CHRNA7: variants seen among roughly 807,000 people sequenced by gnomAD.
CHRNA7 encodes the protein cholinergic receptor nicotinic alpha 7 subunit.
In CHRNA7, 17 loss-of-function variants were observed where a neutral mutation model predicts 48.0. That is an observed-to-expected ratio of 0.35 (90% CI 0.24 to 0.53). The LOEUF is 0.53. Ranked by LOEUF, CHRNA7 falls within the 20% of genes least tolerant of loss-of-function variation. The probability of loss-of-function intolerance (pLI) is 0.92; values close to 1 mark genes in which losing one functional copy is unlikely to be tolerated. For missense variants in CHRNA7, 155 were observed against 577.7 expected (o/e 0.27, Z 7.50); for synonymous variants, 75 against 242.3 (o/e 0.31, Z 6.41).
rs2051175658 is a variant in CHRNA7 at position 32,132,624 on chromosome 15, C to T, written c.350+20725C>T. Reference sequence around the variant, plus strand: ...GAAGAGAACTCTCTCTGGTTTATGGCTTCCTTCTCATTGTGTCCTTACATG... The same window carrying T: ...GAAGAGAACTCTCTCTGGTTTATGGTTTCCTTCTCATTGTGTCCTTACATG... On this transcript the variant is annotated intron_variant, in intron 4 of 9. Coordinates refer to ENST00000306901, the MANE Select transcript of CHRNA7 (RefSeq NM_000746.6). Among the ~76,000 whole-genome samples the T allele has an allele frequency of 2.0e-5, 3 of 152,228 alleles. No homozygotes were observed. In the South Asian group the frequency reaches 6.2e-4, roughly 32 times the overall value.
chr15:32,097,922 G>A (rs1440742348), intron 2 of CHRNA7, among the ~76,000 whole-genome samples: 1 of 152,200 alleles, frequency 6.6e-6, no homozygotes, highest in Non-Finnish European at 1.5e-5. Flanking sequence ...GGATATTTGG[G>A]TGAAAGAGAA....
upstream of CHRNA7, chr15:32,030,514 T>C (rs1381495419): frequency 2.3e-6 from 3 of 1,298,490 alleles, no homozygotes; most frequent in Middle Eastern, 2.9e-4. Context: ...AGCGGCGAGG[T>C]GCCTCTGTGG....
chr15:32,068,362 A>C (rs1441754109), intron 2 of CHRNA7, among the ~76,000 whole-genome samples: 1 of 152,136 alleles, frequency 6.6e-6, no homozygotes, highest in East Asian at 1.9e-4. Flanking sequence ...TGCACATGGA[A>C]GTAGGTGGAT....
At chr15:32,078,951 C>A (rs1431556711) in intron 2 of CHRNA7, among the ~76,000 whole-genome samples, 3 of 152,190 alleles carry the variant, frequency 2.0e-5, no homozygotes, top group African/African-American at 7.2e-5. Context: ...AGCTTATCCA[C>A]CATGATCAAG....
chr15:32,135,598 C>T (rs1300774159), intron 4 of CHRNA7, among the ~76,000 whole-genome samples: 1 of 152,128 alleles, frequency 6.6e-6, no homozygotes, highest in Non-Finnish European at 1.5e-5. Flanking sequence ...GATCTATGTG[C>T]TGTAGGGGAC....
intron 2 of CHRNA7, among the ~76,000 whole-genome samples, chr15:32,072,764 C>T (rs879407856): frequency 7.9e-5 from 12 of 152,164 alleles, no homozygotes; most frequent in South Asian, 2.1e-4. Flanking sequence ...GAACATAAGC[C>T]GTAAGCTTTG....
At chr15:32,124,563 A>G (rs1156437633) in intron 4 of CHRNA7, among the ~76,000 whole-genome samples, 1 of 152,250 alleles carries the variant, frequency 6.6e-6, no homozygotes, top group Admixed American at 6.5e-5. Flanking sequence ...AAATAAACTA[A>G]GACTGGAAGA....
At chr15:32,137,884 A>G (rs1026085076) in intron 4 of CHRNA7, among the ~76,000 whole-genome samples, 3 of 152,228 alleles carry the variant, frequency 2.0e-5, no homozygotes, top group Non-Finnish European at 4.4e-5. Flanking sequence ...CCTCCTCAGT[A>G]TTTACCCAAA....
Position 32,164,911 on chromosome 15 carries a change from C to T in CHRNA7, c.990+1576C>T, listed in dbSNP as rs1271131308. ...TGGGTGACAGAGCAAAACTCCATCT[C>T]CTAAAAAAAAAAAAAAAAAAAAAAA... On this transcript the variant is annotated intron_variant, in intron 9 of 9. Coordinates refer to ENST00000306901, the MANE Select transcript of CHRNA7 (RefSeq NM_000746.6). 4.4e-3 allele frequency among the ~76,000 whole-genome samples: 35 copies of T among 8,010 alleles called. 2 individuals are homozygous for T. The highest frequency in any genetic ancestry group is 6.5e-3 in the Non-Finnish European group (31 of 4,744). The allele number at this position is 8,010 out of a possible 152,430, so 5.3% of individuals were successfully genotyped here. A position where few individuals can be genotyped will look rare whatever the true frequency, so the allele number is the denominator to read the frequency against.
chr15:32,083,984 G>A (rs1235306133), intron 2 of CHRNA7, among the ~76,000 whole-genome samples: 1 of 152,144 alleles, frequency 6.6e-6, no homozygotes, highest in African/African-American at 2.4e-5. Flanking sequence ...CCCTAGATTA[G>A]ATGGGCAATG....
chr15:32,064,032 T>C (rs2049922871), intron 2 of CHRNA7, among the ~76,000 whole-genome samples: 1 of 152,190 alleles, frequency 6.6e-6, no homozygotes, highest in Non-Finnish European at 1.5e-5. Flanking sequence ...TGATGAATAG[T>C]GTGGCTAGGA....
intron 3 of CHRNA7, among the ~76,000 whole-genome samples, chr15:32,107,705 A>G (rs1017508529): frequency 2.6e-5 from 4 of 152,120 alleles, no homozygotes; most frequent in Admixed American, 1.3e-4. Flanking sequence ...ACTTCTCGCC[A>G]GTGGCCACCT....
chr15:32,123,475 T>A (rs1166392511), intron 4 of CHRNA7, among the ~76,000 whole-genome samples: 1 of 152,196 alleles, frequency 6.6e-6, no homozygotes, highest in African/African-American at 2.4e-5. Flanking sequence ...CTCTCATGGA[T>A]CCCTGGCATG....
At chr15:32,064,501 G>GTGTGTGTA (rs2049933105) in intron 2 of CHRNA7, among the ~76,000 whole-genome samples, 1 of 151,278 alleles carries the variant, frequency 6.6e-6, no homozygotes, top group Admixed American at 6.6e-5. Context: ...GTATGTGTGT[G>GTGTGTGTA]TATGTGTGTG....
intron 3 of CHRNA7, 170 bp downstream of exon 3, chr15:32,101,517 G>A: frequency 1.5e-6 from 1 of 680,064 alleles, no homozygotes; most frequent in East Asian, 2.6e-5. Flanking sequence ...AACAATGAAT[G>A]CTGGCTGTAT....
In CHRNA7 at chr15:32,170,118, G is replaced by A. The variant is rs2052365858; in HGVS notation, c.*1660G>A. 3.9e-5 allele frequency: 2 copies of A among 50,814 alleles called. No individual in the cohort carries two copies. The highest frequency in any genetic ancestry group is 1.5e-3 in the South Asian group (2 of 1,302). 3.1% of individuals were successfully genotyped at this position (50,814 alleles called of 1,614,324 possible). ...TTTTAATTTGCTTCTAATCCCTGAG[G>A]TGGGAACATCATGAGGGAAGATTTG... is the stretch of plus-strand genomic sequence containing the variant. On this transcript the variant is annotated 3_prime_UTR_variant, in exon 10 of 10. Coordinates refer to ENST00000306901, the MANE Select transcript of CHRNA7 (RefSeq NM_000746.6).
At chr15:32,063,540 G>A (rs1285232589) in intron 2 of CHRNA7, among the ~76,000 whole-genome samples, 2 of 152,162 alleles carry the variant, frequency 1.3e-5, no homozygotes, top group Non-Finnish European at 2.9e-5. Flanking sequence ...CACCAACCAG[G>A]TAGTTTCCCC....
At chr15:32,125,793 A>C (rs1180490749) in intron 4 of CHRNA7, among the ~76,000 whole-genome samples, 1 of 152,118 alleles carries the variant, frequency 6.6e-6, no homozygotes, top group Non-Finnish European at 1.5e-5. Flanking sequence ...TCGGTCATAC[A>C]TGGTCCCCCT....
intron 2 of CHRNA7, among the ~76,000 whole-genome samples, chr15:32,052,686 G>A (rs796838547): frequency 2.6e-4 from 39 of 152,140 alleles, no homozygotes; most frequent in African/African-American, 9.2e-4. Flanking sequence ...CCGAGATCGC[G>A]CCACTGCACT....
Sources: allele counts gnomAD v4.1 joint callset (sites outside exome capture counted in the v4.1 genomes callset), GRCh38; gene constraint gnomAD v4.1.1; transcripts MANE v1.5; gene names NCBI Gene and HGNC (gene_info 2026-07-23, HGNC 2026-07-21).